PPP1R12B: variants seen among roughly 807,000 people sequenced by gnomAD.
PPP1R12B encodes protein phosphatase 1 regulatory subunit 12B, also known as myosin phosphatase target subunit 2.
In PPP1R12B, 76 loss-of-function variants were observed where a neutral mutation model predicts 126.1. The ratio of observed to expected loss-of-function variants is 0.60; its 90% CI spans 0.50 to 0.73. The LOEUF (loss-of-function observed/expected upper bound fraction) is 0.73. Ranked by LOEUF, PPP1R12B falls within the 30% of genes least tolerant of loss-of-function variation. The pLI, the probability that PPP1R12B is intolerant of heterozygous loss-of-function variation, is 0.00. For synonymous variants in PPP1R12B, 356 were observed against 434.7 expected (o/e 0.82, Z 2.25); for missense variants, 1,052 against 1,205.1 (o/e 0.87, Z 1.88).
intron 1 of PPP1R12B, among the ~76,000 whole-genome samples, chr1:202,413,660 A>C (rs962602259): frequency 1.3e-5 from 2 of 152,202 alleles, no homozygotes; most frequent in African/African-American, 4.8e-5. Context: ...TGTACTTATT[A>C]AGTCATTTAA....
At position 202,586,776 on chromosome 1, in the gene PPP1R12B, C is replaced by T. The variant is rs1033630737; in HGVS notation, c.*6216C>T. ...TACAACCCAGTGTCCCGGAAGCCCT[C>T]CTTCGGGAGAACTGTAAGTAAGAGG... is the stretch of plus-strand genomic sequence containing the variant. On this transcript the variant is annotated 3_prime_UTR_variant, in exon 24 of 24. Coordinates refer to ENST00000608999, the MANE Select transcript of PPP1R12B (RefSeq NM_002481.4). 1.3e-5 allele frequency: 2 copies of T among 152,204 alleles called. No individual in the cohort carries two copies. The highest frequency in any genetic ancestry group is 4.8e-5 in the African/African-American group (2 of 41,456). The allele number at this position is 152,204 out of a possible 1,614,324, so 9.4% of individuals were successfully genotyped here. A position where few individuals can be genotyped will look rare whatever the true frequency, so the allele number is the denominator to read the frequency against.
At chr1:202,553,109 G>T (rs1429557184) in intron 18 of PPP1R12B, among the ~76,000 whole-genome samples, 1 of 152,176 alleles carries the variant, frequency 6.6e-6, no homozygotes, top group Non-Finnish European at 1.5e-5. Context: ...TATTACGGGA[G>T]AATTTCAAGA....
intron 19 of PPP1R12B, among the ~76,000 whole-genome samples, chr1:202,560,745 A>G (rs1687432476): frequency 6.6e-6 from 1 of 152,204 alleles, no homozygotes; most frequent in African/African-American, 2.4e-5. Flanking sequence ...CCCAGCCCCT[A>G]TTCAAGATGG....
At chr1:202,394,360 A>C (rs1328150104) in intron 1 of PPP1R12B, among the ~76,000 whole-genome samples, 1 of 152,216 alleles carries the variant, frequency 6.6e-6, no homozygotes, top group Non-Finnish European at 1.5e-5. Context: ...TAAGCACATA[A>C]GTATCTGGAC....
In PPP1R12B at chr1:202,583,968, T is replaced by A. The variant is rs1240950294; in HGVS notation, c.*3408T>A. 6.6e-6 allele frequency: 1 copy of A among 152,226 alleles called. No individual in the cohort carries two copies. The highest frequency in any genetic ancestry group is 1.5e-5 in the Non-Finnish European group (1 of 68,034). 9.4% of individuals were successfully genotyped at this position (152,226 alleles called of 1,614,324 possible). ...CCTTTGGAAGTAATGATTTGGCCAT[T>A]CCAGAGATTCTGGGGCTAAAGTTTG... is the stretch of plus-strand genomic sequence containing the variant. On this transcript the variant is annotated 3_prime_UTR_variant, in exon 24 of 24. Coordinates refer to ENST00000608999, the MANE Select transcript of PPP1R12B (RefSeq NM_002481.4).
At chr1:202,488,760 G>A in intron 14 of PPP1R12B, 137 bp downstream of exon 14, 3 of 800,528 alleles carry the variant, frequency 3.7e-6, no homozygotes, top group Non-Finnish European at 5.9e-6. Context: ...GCTTGGCGTG[G>A]TGGCTCACAC....
chr1:202,422,024 C>T (rs561506472), intron 2 of PPP1R12B, among the ~76,000 whole-genome samples: 96 of 152,208 alleles, frequency 6.3e-4, no homozygotes, highest in African/African-American at 2.1e-3. Context: ...CTCTGAAAAT[C>T]AAAAAGGATC....
chr1:202,376,512 TTGAA>T (rs1331204310), intron 1 of PPP1R12B, among the ~76,000 whole-genome samples: 6 of 152,136 alleles, frequency 3.9e-5, no homozygotes, highest in South Asian at 2.1e-4. Flanking sequence ...AAAGTATAAA[TTGAA>T]TGGATGGATA....
chr1:202,582,599 A>C lies in PPP1R12B; in HGVS notation c.*2039A>C, dbSNP rs555360527. On this transcript the variant is annotated 3_prime_UTR_variant, in exon 24 of 24. Transcript: ENST00000608999. ...ACTAGAAGCTGTAATTCAAGATCCCAATTCCACCAGGTGCAGTGGCTCATG... is the reference window on the plus strand; with the variant it reads ...ACTAGAAGCTGTAATTCAAGATCCCCATTCCACCAGGTGCAGTGGCTCATG... 6.5e-6 allele frequency: 1 copy of C among 152,742 alleles called. No homozygotes were observed. The highest frequency in any genetic ancestry group is 1.9e-4 in the East Asian group (1 of 5,182). 9.5% of individuals were successfully genotyped at this position (152,742 alleles called of 1,614,324 possible).
intron 1 of PPP1R12B, among the ~76,000 whole-genome samples, chr1:202,368,011 C>G (rs1659549549): frequency 6.6e-6 from 1 of 151,758 alleles, no homozygotes; most frequent in Non-Finnish European, 1.5e-5. Context: ...CTCTTGTTGC[C>G]CAAGCTGGAG....
chr1:202,551,068 T>C (rs1222738322), intron 18 of PPP1R12B, among the ~76,000 whole-genome samples: 2 of 152,260 alleles, frequency 1.3e-5, no homozygotes, highest in African/African-American at 4.8e-5. Context: ...TTTAATGAAC[T>C]TAATGGTTTT....
Position 202,348,728 on chromosome 1 carries a change from C to A in PPP1R12B, c.-124C>A. On this transcript the variant is annotated 5_prime_UTR_variant, in exon 1 of 24. Coordinates refer to ENST00000608999, the MANE Select transcript of PPP1R12B (RefSeq NM_002481.4). ...CTACTGGCGGGAGGAGTAAAGATGG[C>A]GGCGCGAGGGTCTCCGCCCTCTGCT... 1.6e-6 allele frequency: 2 copies of A among 1,264,430 alleles called. No homozygotes were observed. Among genetic ancestry groups the A allele is most frequent in the Non-Finnish European group, 2.1e-6 (2 of 935,398 alleles). 78.3% of individuals were successfully genotyped at this position (1,264,430 alleles called of 1,614,324 possible). A position where few individuals can be genotyped will look rare whatever the true frequency, so the allele number is the denominator to read the frequency against.
intron 1 of PPP1R12B, among the ~76,000 whole-genome samples, chr1:202,375,539 C>T (rs902227842): frequency 7.9e-5 from 12 of 152,298 alleles, no homozygotes; most frequent in Non-Finnish European, 1.3e-4. Flanking sequence ...AGGAGCCTCC[C>T]ATGGCATAAC....
chr1:202,432,330 G>A (rs1205875702), intron 8 of PPP1R12B, among the ~76,000 whole-genome samples: 1 of 151,618 alleles, frequency 6.6e-6, no homozygotes, highest in Non-Finnish European at 1.5e-5. Flanking sequence ...GTGCAGTGGT[G>A]TGATCTCAGC....
At chr1:202,422,770 G>C (rs1398429554) in intron 3 of PPP1R12B, 32 bp downstream of exon 3, 3 of 1,612,332 alleles carry the variant, frequency 1.9e-6, no homozygotes, top group Non-Finnish European at 2.5e-6. Context: ...GGCCAGGAAA[G>C]ATTCTCAAAC....
At chr1:202,486,260 C>A (rs1678108887) in intron 13 of PPP1R12B, among the ~76,000 whole-genome samples, 1 of 151,628 alleles carries the variant, frequency 6.6e-6, no homozygotes. Flanking sequence ...ATATTAAACC[C>A]CATATAAACA....
At chr1:202,391,475 C>T (rs1215337603) in intron 1 of PPP1R12B, among the ~76,000 whole-genome samples, 1 of 152,104 alleles carries the variant, frequency 6.6e-6, no homozygotes. Flanking sequence ...CTGGCAGTTC[C>T]TCAAACAATT....
chr1:202,398,134 T>A (rs2696959), intron 1 of PPP1R12B, among the ~76,000 whole-genome samples: 51,630 of 151,990 alleles, frequency 0.34, 8,900 homozygotes, highest in Middle Eastern at 0.45. Flanking sequence ...ATTCCTTAAA[T>A]TTGGCAGATT....
chr1:202,510,655 G>A (rs1681358848), intron 18 of PPP1R12B, among the ~76,000 whole-genome samples: 1 of 151,956 alleles, frequency 6.6e-6, no homozygotes, highest in Non-Finnish European at 1.5e-5. Context: ...GTCCCATTTG[G>A]GATGTCTTTT....
Sources: allele counts gnomAD v4.1 joint callset (sites outside exome capture counted in the v4.1 genomes callset), GRCh38; gene constraint gnomAD v4.1.1; transcripts MANE v1.5; gene names NCBI Gene and HGNC (gene_info 2026-07-23, HGNC 2026-07-21).